The following GTF3C1 variants were observed in gnomAD, a reference collection of about 807,000 sequenced individuals.
The protein encoded by GTF3C1 is general transcription factor IIIC subunit 1, also known as general transcription factor 3C polypeptide 1.
GTF3C1 carries 57 observed loss-of-function variants against 226.7 expected under a neutral mutation model. That is an observed-to-expected ratio of 0.25 (90% confidence interval 0.20 to 0.31). The LOEUF (loss-of-function observed/expected upper bound fraction) is 0.31, where lower values mean the gene tolerates loss of function less well. Among genes scored for constraint, GTF3C1 ranks in the 10% least tolerant of loss-of-function variants. The pLI, the probability that GTF3C1 is intolerant of heterozygous loss-of-function variation, is 1.00. For missense variants in GTF3C1, 2,217 were observed against 2,776.1 expected (o/e 0.80, Z 4.53); for synonymous variants, 1,090 against 1,084.8 (o/e 1.00, Z -0.09).
intron 6 of GTF3C1, among the ~76,000 whole-genome samples, chr16:27,525,688 G>T (rs1311748492): frequency 1.3e-5 from 2 of 152,242 alleles, no homozygotes; most frequent in African/African-American, 4.8e-5. Flanking sequence ...CGCCCTGGGG[G>T]TGCTGTGGGT....
intron 2 of GTF3C1, among the ~76,000 whole-genome samples, chr16:27,543,986 G>C (rs1029391237): frequency 6.6e-6 from 1 of 152,144 alleles, no homozygotes; most frequent in African/African-American, 2.4e-5. Context: ...TAAGAAGCGT[G>C]GGTGCAGAGT....
At position 27,478,480 on chromosome 16, in the gene GTF3C1, A is replaced by G. The variant is rs772700620; in HGVS notation, c.4248T>C (p.Asp1416=). The G allele has an allele frequency of 6.2e-7, 1 of 1,606,342 alleles. No individual in the cohort carries two copies. The highest frequency in any genetic ancestry group is 2.2e-5 in the East Asian group (1 of 44,844). ...GDEKDQTRKE[D]ELNSVDDIHF... Reference sequence around the variant, plus strand: ...ATATCAGTACTTACCTGTTAAGTTCATCCTCTTTCCTGGTTTGATCTTTTT... The same window carrying G: ...ATATCAGTACTTACCTGTTAAGTTCGTCCTCTTTCCTGGTTTGATCTTTTT... The change falls in exon 28 of 37, where the codon GAT becomes GAC. Residue 1416 remains aspartate, a synonymous_variant. Transcript: ENST00000356183.
rs12925304 is a variant in GTF3C1 at position 27,470,515 on chromosome 16, T to C, written c.4527-120A>G. Reference sequence around the variant, plus strand: ...GAACTAAGCAAAACGCCCCACTTCTTCCCTAAAGCTCTCTGTCCCATCCCA... The same window carrying C: ...GAACTAAGCAAAACGCCCCACTTCTCCCCTAAAGCTCTCTGTCCCATCCCA... On this transcript the variant is annotated intron_variant, in intron 30 of 36. Coordinates refer to ENST00000356183, the MANE Select transcript of GTF3C1 (RefSeq NM_001520.4). The surrounding 1 kb of genome is among the most constrained non-coding windows in gnomAD (Gnocchi z 4.9). The C allele has an allele frequency of 0.15, 110,791 of 745,266 alleles. 9,347 individuals are homozygous for C. The highest frequency in any genetic ancestry group is 0.25 in the African/African-American group (14,438 of 57,172). 46.2% of individuals were successfully genotyped at this position (745,266 alleles called of 1,614,324 possible). A position where few individuals can be genotyped will look rare whatever the true frequency, so the allele number is the denominator to read the frequency against.
intron 6 of GTF3C1, among the ~76,000 whole-genome samples, chr16:27,517,959 C>A (rs552759558): frequency 1.3e-5 from 2 of 152,140 alleles, no homozygotes; most frequent in South Asian, 4.1e-4. Flanking sequence ...AGCTGTGAGG[C>A]GGAACCAAGA....
chr16:27,513,793 C>A (rs1421910354), intron 6 of GTF3C1, among the ~76,000 whole-genome samples: 2 of 152,210 alleles, frequency 1.3e-5, no homozygotes. Context: ...CAGCTTTCAT[C>A]AGCACATCGA....
chr16:27,478,515 T>C lies in GTF3C1; in HGVS notation c.4213A>G (p.Ile1405Val), dbSNP rs369500732. Residue 1405 changes from isoleucine (I) to valine (V), a missense_variant, in exon 28 of 37, where the codon ATT (isoleucine) becomes GTT (valine). Physicochemically the swap from Ile to Val is conservative, Grantham distance 29. This residue lies in a region of GTF3C1 where 546 missense variants were observed against 663.0 expected (regional missense o/e 0.82). Transcript: ENST00000356183. ...CTGGTTTGATCTTTTTCATCCCCAA[T>C]TGCCAAAACTCGGTACCTGCAAAAG... ...ELFARYRVLA[I>V]GDEKDQTRKE... 3 of 1,612,088 alleles carry C rather than the reference T, an allele frequency of 1.9e-6. No individual in the cohort carries two copies. Among genetic ancestry groups the C allele is most frequent in the Non-Finnish European group, 2.5e-6 (3 of 1,178,162 alleles).
chr16:27,545,930 C>T (rs1344509428), intron 1 of GTF3C1, among the ~76,000 whole-genome samples: 1 of 152,194 alleles, frequency 6.6e-6, no homozygotes, highest in African/African-American at 2.4e-5. Flanking sequence ...CTCACTGCAA[C>T]CTCCACTTCC....
At position 27,469,387 on chromosome 16, in the gene GTF3C1, G is replaced by C; in HGVS notation, c.4978C>G (p.Arg1660Gly). ...GYYSPGIVSTRNLNPNDSIVV... is the reference protein window; with the variant it reads ...GYYSPGIVSTGNLNPNDSIVV... ...ATGCTGTCGTTGGGGTTGAGGTTGC[G>C]GGTGCTGACGATGCCGGGGGAGTAG... The change falls in exon 32 of 37, where the codon CGC (arginine) becomes GGC (glycine). Residue 1660 changes from arginine (R) to glycine (G), a missense_variant. Arg to Gly is a moderately radical substitution (Grantham distance 125, BLOSUM62 -2). Around this residue, in one of 12 missense-constraint regions of GTF3C1, gnomAD observed 455 missense variants for 441.9 expected, o/e 1.03. Coordinates refer to ENST00000356183, the MANE Select transcript of GTF3C1 (RefSeq NM_001520.4). This position sits in a 1 kb window ranked among gnomAD's most constrained non-coding sequence, Gnocchi z 4.5. 2 of 1,613,082 alleles carry C rather than the reference G, an allele frequency of 1.2e-6. No homozygotes were observed. The highest frequency in any genetic ancestry group is 2.2e-5 in the East Asian group (1 of 44,864).
rs548518550 is a variant in GTF3C1 at position 27,472,133 on chromosome 16, G to A, written c.4354-213C>T. On this transcript the variant is annotated intron_variant, in intron 29 of 36. Transcript: ENST00000356183. ...GAGGAAGTCAGCAATCCCAATTCTC[G>A]GACCACCACGTCACACTTCCAGAGA... Among the ~76,000 whole-genome samples the A allele has an allele frequency of 3.3e-5, 5 of 152,118 alleles. No homozygotes were observed. In the South Asian group the frequency reaches 6.2e-4, roughly 19 times the overall value.
rs1011800943 is a variant in GTF3C1, at chr16:27,471,877, T to C, written c.4397A>G (p.Lys1466Arg). The change falls in exon 30 of 37, where the codon AAG (lysine) becomes AGG (arginine). Residue 1466 changes from lysine (K) to arginine (R), a missense_variant. Physicochemically the swap from Lys to Arg is conservative, Grantham distance 26. Coordinates refer to ENST00000356183, the MANE Select transcript of GTF3C1 (RefSeq NM_001520.4). The surrounding 1 kb of genome is among the most constrained non-coding windows in gnomAD (Gnocchi z 5.0). ...YREYKDHVLV[K>R]AFMECQKRSL... ...CCTCTTCTGGCACTCCATGAAGGCCTTCACAAGAACGTGGTCCTTGTACTC... is the reference window on the plus strand; with the variant it reads ...CCTCTTCTGGCACTCCATGAAGGCCCTCACAAGAACGTGGTCCTTGTACTC... The C allele has an allele frequency of 1.9e-6, 3 of 1,613,970 alleles. No homozygotes were observed. The highest frequency in any genetic ancestry group is 2.5e-6 in the Non-Finnish European group (3 of 1,179,998).
At chr16:27,493,774 C>T (rs2088268953) in intron 16 of GTF3C1, among the ~76,000 whole-genome samples, 1 of 151,926 alleles carries the variant, frequency 6.6e-6, no homozygotes, top group Non-Finnish European at 1.5e-5. Context: ...ATTTAAATGT[C>T]CAAAAATAGA....
Position 27,505,822 on chromosome 16 carries a change from T to C in GTF3C1, c.1770+77A>G, listed in dbSNP as rs1190079566. ...GCTGTGGATGATTCCACTGTGATCA[T>C]GTGATTCCTAAACACAGAAACGATG... On this transcript the variant is annotated intron_variant, in intron 10 of 36. Coordinates refer to ENST00000356183, the MANE Select transcript of GTF3C1 (RefSeq NM_001520.4). 5.9e-6 allele frequency: 5 copies of C among 847,316 alleles called. No homozygotes were observed. In the East Asian group the frequency reaches 7.3e-5, roughly 12 times the overall value. The allele number at this position is 847,316 out of a possible 1,614,324, so 52.5% of individuals were successfully genotyped here. A position where few individuals can be genotyped will look rare whatever the true frequency, so the allele number is the denominator to read the frequency against.
At chr16:27,491,738 C>T (rs2088235952) in intron 19 of GTF3C1, among the ~76,000 whole-genome samples, 2 of 151,988 alleles carry the variant, frequency 1.3e-5, no homozygotes, top group South Asian at 4.1e-4. Context: ...AGTGGACGGC[C>T]ACTCTCCTCC....
At position 27,492,282 on chromosome 16, in the gene GTF3C1, T is replaced by C; in HGVS notation, c.3151+56A>G. The stretch of plus-strand genomic sequence containing the variant: ...GGCTTTTCTAGCCCTAAATCCCAGT[T>C]AGCACACAGAAAGGAGCAAAAGCAG... On this transcript the variant is annotated intron_variant, in intron 19 of 36. Transcript: ENST00000356183. This position sits in a 1 kb window ranked among gnomAD's most constrained non-coding sequence, Gnocchi z 5.0. 1 of 1,025,486 alleles carries C rather than the reference T, an allele frequency of 9.8e-7. No homozygotes were observed. The highest frequency in any genetic ancestry group is 1.5e-6 in the Non-Finnish European group (1 of 673,924). 63.5% of individuals were successfully genotyped at this position (1,025,486 alleles called of 1,614,324 possible).
At chr16:27,503,397 C>T (rs2088437945) in intron 10 of GTF3C1, among the ~76,000 whole-genome samples, 1 of 152,304 alleles carries the variant, frequency 6.6e-6, no homozygotes, top group South Asian at 2.1e-4. Context: ...ACTCTTAACA[C>T]TTTTATCATC....
intron 25 of GTF3C1, 37 bp downstream of exon 25, chr16:27,484,174 C>T: frequency 6.6e-7 from 1 of 1,504,638 alleles, no homozygotes; most frequent in East Asian, 2.3e-5. Context: ...GATAACGTAA[C>T]CGTGTCCCGG....
intron 5 of GTF3C1, among the ~76,000 whole-genome samples, chr16:27,532,077 T>C (rs1005321359): frequency 2.6e-5 from 4 of 152,176 alleles, no homozygotes; most frequent in Admixed American, 2.0e-4. Flanking sequence ...CTAACTGATG[T>C]CAGGAGAGAC....
chr16:27,464,466 G>A lies in GTF3C1; in HGVS notation c.5726C>T (p.Ala1909Val). Residue 1909 changes from alanine to valine, a missense_variant, in exon 34 of 37, where the codon GCC becomes GTC. Around this residue, in one of 12 missense-constraint regions of GTF3C1, gnomAD observed 455 missense variants for 441.9 expected, o/e 1.03. Coordinates refer to ENST00000356183, the MANE Select transcript of GTF3C1 (RefSeq NM_001520.4). ...PGAEDGAEAQ[A>V]PSPPPALEDT... Reference sequence around the variant, plus strand: ...TTCAAGAGCTGGGGGTGGAGATGGGGCCTGGGCTTCTGCCCCATCTTCAGC... The same window carrying A: ...TTCAAGAGCTGGGGGTGGAGATGGGACCTGGGCTTCTGCCCCATCTTCAGC... 1 of 1,583,374 alleles carries A rather than the reference G, an allele frequency of 6.3e-7. No homozygotes were observed. The highest frequency in any genetic ancestry group is 1.2e-5 in the South Asian group (1 of 86,048).
At chr16:27,485,058 A>G (rs982024910) in intron 24 of GTF3C1, among the ~76,000 whole-genome samples, 2 of 152,222 alleles carry the variant, frequency 1.3e-5, no homozygotes, top group Non-Finnish European at 2.9e-5. Context: ...CAGGGAACAG[A>G]AATTAGGGAT....
Sources: gnomAD v4.1 joint callset for allele counts (sites outside exome capture counted in the v4.1 genomes callset) on GRCh38, gnomAD v4.1.1 for gene constraint, gnomAD v4.1.1 regional missense constraint, Gnocchi (gnomAD v3.1) non-coding constraint, MANE v1.5 for transcripts, NCBI Gene and HGNC (gene_info 2026-07-23, HGNC 2026-07-21) for gene names.